Variants in PTCH1 observed in about 807,000 individuals in gnomAD.
The protein encoded by PTCH1 is protein patched homolog 1.
A neutral mutation model predicts 144.6 loss-of-function variants in PTCH1; 14 were observed. That is an observed-to-expected ratio of 0.10 (90% confidence interval 0.06 to 0.15). PTCH1 has a LOEUF of 0.15. Among genes scored for constraint, PTCH1 ranks in the 10% least tolerant of loss-of-function variants. The pLI is 1.00. For missense variants in PTCH1, 1,623 were observed against 1,948.3 expected, an observed-to-expected ratio of 0.83 and a Z score of 3.14; for synonymous variants, 833 against 793.6, an observed-to-expected ratio of 1.05 and a Z score of -0.83.
At chr9:95,484,845 C>G (rs1426320248) in intron 3 of PTCH1, among the ~76,000 whole-genome samples, 17 of 152,174 alleles carry the variant, frequency 1.1e-4, no homozygotes, top group Non-Finnish European at 2.9e-5. Flanking sequence ...TGAACTCTTC[C>G]TAATGCTTTA....
Position 95,444,474 on chromosome 9 carries a change from G to T in PTCH1, c.*1919C>A. The T allele has an allele frequency of 6.5e-6, 1 of 153,398 alleles. No individual in the cohort carries two copies. The highest frequency in any genetic ancestry group is 2.0e-4 in the South Asian group (1 of 5,094). 9.5% of individuals were successfully genotyped at this position (153,398 alleles called of 1,614,324 possible). Reference sequence around the variant, plus strand: ...CAAGACAGCAGCAGGGGGGTGGCCAGGGTCCCCAGCAGAGACACACACACA... The same window carrying T: ...CAAGACAGCAGCAGGGGGGTGGCCATGGTCCCCAGCAGAGACACACACACA... On this transcript the variant is annotated 3_prime_UTR_variant, in exon 24 of 24. Transcript: ENST00000331920.
intron 2 of PTCH1, among the ~76,000 whole-genome samples, chr9:95,505,911 C>G (rs1203041579): frequency 6.8e-6 from 1 of 147,484 alleles, no homozygotes; most frequent in African/African-American, 2.5e-5. Flanking sequence ...AGCGCGGCGG[C>G]CGCGGCCGCC....
chr9:95,461,814 C>T (rs908755770), intron 16 of PTCH1, 42 bp downstream of exon 16: 31 of 1,612,342 alleles, frequency 1.9e-5, no homozygotes, highest in East Asian at 6.7e-5. Flanking sequence ...GCAGCGGCCC[C>T]GCAGCCCTGG....
At chr9:95,463,493 T>A (rs1336248472) in intron 15 of PTCH1, among the ~76,000 whole-genome samples, 2 of 152,150 alleles carry the variant, frequency 1.3e-5, no homozygotes, top group Non-Finnish European at 2.9e-5. Flanking sequence ...GCCCTTTCTT[T>A]CTGTTTTTGA....
rs2136580962 is a variant in PTCH1, at chr9:95,447,306, C to G, written c.3950G>C (p.Arg1317Thr). Reference sequence around the variant, plus strand: ...AATTTCAAAAGCGTCTCTGCGCGGTCTGTAGGGGGGTGGCCACAAGCCTTC... The same window carrying G: ...AATTTCAAAAGCGTCTCTGCGCGGTGTGTAGGGGGGTGGCCACAAGCCTTC... ...PREGLWPPPY[R>T]PRRDAFEIST... The change falls in exon 23 of 24, where the codon AGA becomes ACA. Residue 1317 changes from arginine (R) to threonine (T), a missense_variant. Physicochemically the swap from Arg to Thr is moderately conservative, Grantham distance 71 (BLOSUM62 -1). This residue lies in a region of PTCH1 where 291 missense variants were observed against 287.4 expected (regional missense o/e 1.01). Coordinates refer to ENST00000331920, the MANE Select transcript of PTCH1 (RefSeq NM_000264.5). 6.2e-7 allele frequency: 1 copy of G among 1,613,152 alleles called. No homozygotes were observed. Among genetic ancestry groups the G allele is most frequent in the South Asian group, 1.1e-5 (1 of 91,090 alleles).
At chr9:95,478,749 T>G (rs914992369) in intron 8 of PTCH1, among the ~76,000 whole-genome samples, 1 of 152,192 alleles carries the variant, frequency 6.6e-6, no homozygotes, top group African/African-American at 2.4e-5. Flanking sequence ...AACACTGTTA[T>G]GTGCTTTAGT....
At chr9:95,472,731 G>A (rs568555632) in intron 12 of PTCH1, among the ~76,000 whole-genome samples, 1 of 152,144 alleles carries the variant, frequency 6.6e-6, no homozygotes, top group Non-Finnish European at 1.5e-5. Context: ...GAAGGGATGA[G>A]GGAAGAACCC....
At chr9:95,516,058 A>C (rs906533087) in intron 1 of PTCH1, among the ~76,000 whole-genome samples, 1 of 151,932 alleles carries the variant, frequency 6.6e-6, no homozygotes, top group Admixed American at 6.5e-5. Context: ...TCCGCTGGCG[A>C]GTCAGTAGCC....
rs2136603736 is a variant in PTCH1 at position 95,449,366 on chromosome 9, A to C, written c.3550-43T>G. 1 of 1,538,166 alleles carries C rather than the reference A, an allele frequency of 6.5e-7. No homozygotes were observed. The highest frequency in any genetic ancestry group is 8.7e-7 in the Non-Finnish European group (1 of 1,146,900). On this transcript the variant is annotated intron_variant, in intron 21 of 23. Coordinates refer to ENST00000331920, the MANE Select transcript of PTCH1 (RefSeq NM_000264.5). This position sits in a 1 kb window ranked among gnomAD's most constrained non-coding sequence, Gnocchi z 5.3. ...ATGTTAAAAGTGTTCTTGTCCATTT[A>C]CCTGCTGGCCACACTCAAAGCTCAA...
intron 2 of PTCH1, among the ~76,000 whole-genome samples, chr9:95,498,254 C>T (rs2118766043): frequency 6.6e-6 from 1 of 152,316 alleles, no homozygotes; most frequent in Admixed American, 6.5e-5. Flanking sequence ...GGACTTGCTT[C>T]TCACTAGCCT....
chr9:95,492,209 G>A (rs369959650), intron 2 of PTCH1, among the ~76,000 whole-genome samples: 6 of 152,172 alleles, frequency 3.9e-5, no homozygotes, highest in Admixed American at 3.9e-4. Flanking sequence ...GGTGGAGACC[G>A]GAAGCTGCTG....
rs534249446 is a variant in PTCH1 at position 95,444,513 on chromosome 9, A to C, written c.*1880T>G. 6.6e-6 allele frequency: 1 copy of C among 152,122 alleles called. No individual in the cohort carries two copies. The highest frequency in any genetic ancestry group is 1.5e-5 in the Non-Finnish European group (1 of 68,406). 9.4% of individuals were successfully genotyped at this position (152,122 alleles called of 1,614,324 possible). On this transcript the variant is annotated 3_prime_UTR_variant, in exon 24 of 24. Transcript: ENST00000331920. ...GACACACACACACGCACGCACGCAC[A>C]CACACACACACACACCCAGCAGCCA...
At chr9:95,512,202 C>A (rs537388059), upstream of PTCH1, among the ~76,000 whole-genome samples, 3 of 152,320 alleles carry the variant, frequency 2.0e-5, no homozygotes, top group African/African-American at 7.2e-5. Flanking sequence ...GACTTAATTC[C>A]TAAACGTTTT....
At chr9:95,484,209 G>C (rs959251096) in intron 3 of PTCH1, 2 of 152,190 alleles carry the variant, frequency 1.3e-5, no homozygotes, top group Non-Finnish European at 2.9e-5. Context: ...GCTCCCCACA[G>C]GGATGCCACT....
intron 19 of PTCH1, among the ~76,000 whole-genome samples, chr9:95,455,989 C>G (rs996438637): frequency 6.6e-6 from 1 of 152,226 alleles, no homozygotes; most frequent in African/African-American, 2.4e-5. Flanking sequence ...TAATGACAGT[C>G]AAAGTCAGGT....
At chr9:95,516,574 GTCCTCCGC>G (rs1421035886) in exon 1 of PTCH1, 14 of 1,567,238 alleles carry the variant, frequency 8.9e-6, no homozygotes, top group Non-Finnish European at 1.2e-5. Context: ...CCCTTTCCTC[GTCCTCCGC>G]TCCTCCGTCT....
intron 2 of PTCH1, among the ~76,000 whole-genome samples, chr9:95,497,990 C>T (rs148627922): frequency 3.3e-4 from 48 of 144,806 alleles, no homozygotes; most frequent in Middle Eastern, 3.7e-3. Flanking sequence ...CATTGCAATA[C>T]TTGACTGTGT....
chr9:95,510,984 G>C (rs1844123253), upstream of PTCH1, among the ~76,000 whole-genome samples: 2 of 150,096 alleles, frequency 1.3e-5, no homozygotes, highest in Admixed American at 6.6e-5. Context: ...CGCGCGCCCA[G>C]CCGGCGCGGA....
chr9:95,462,817 C>T (rs542735689), intron 15 of PTCH1, among the ~76,000 whole-genome samples: 1 of 152,218 alleles, frequency 6.6e-6, no homozygotes, highest in African/African-American at 2.4e-5. Context: ...GGCGAGCCCG[C>T]CAGCACACCA....
Sources: allele counts gnomAD v4.1 joint callset (sites outside exome capture counted in the v4.1 genomes callset), GRCh38; gene constraint gnomAD v4.1.1; regional missense constraint gnomAD v4.1.1; non-coding constraint Gnocchi (gnomAD v3.1); transcripts MANE v1.5; gene names NCBI Gene and HGNC (gene_info 2026-07-23, HGNC 2026-07-21).